The following FGF14 variants were observed in gnomAD, a reference collection of about 807,000 sequenced individuals.
FGF14 encodes the protein fibroblast growth factor 14, also known as fibroblast growth factor homologous factor 4.
In FGF14, 5 loss-of-function variants were observed where a neutral mutation model predicts 25.5. The observed-to-expected ratio is 0.20, with a 90% CI of 0.10 to 0.41. The LOEUF is 0.41. FGF14 is among the 10% of genes least tolerant of loss of function. The pLI is 1.00. For synonymous variants in FGF14, 138 were observed against 118.3 expected, an observed-to-expected ratio of 1.17 and a Z score of -1.08; for missense variants, 222 against 320.1, an observed-to-expected ratio of 0.69 and a Z score of 2.34.
intron 1 of FGF14, among the ~76,000 whole-genome samples, chr13:102,359,121 G>A (rs550004000): frequency 6.6e-6 from 1 of 152,134 alleles, no homozygotes; most frequent in Admixed American, 6.5e-5. Context: ...TGAACAATGA[G>A]AACACATTGG....
At position 101,878,880 on chromosome 13, in the gene FGF14, T is replaced by A. The variant is rs575480052; in HGVS notation, c.194-3584A>T. 3.7e-3 allele frequency among the ~76,000 whole-genome samples: 563 copies of A among 152,154 alleles called. 2 individuals are homozygous for A. Among genetic ancestry groups the A allele is most frequent in the African/African-American group, 0.013 (521 of 41,574 alleles). ...TGTAATATGTAAAAAAATGCTCATT[T>A]TTTTCAATAAACTGATAGAATAAGA... On this transcript the variant is annotated intron_variant, in intron 1 of 4. Transcript: ENST00000376143.
At chr13:102,120,384 G>A (rs576521493) in intron 1 of FGF14, among the ~76,000 whole-genome samples, 2 of 152,350 alleles carry the variant, frequency 1.3e-5, no homozygotes, top group Admixed American at 6.5e-5. Context: ...ATTTATTCAT[G>A]TCAGCGTCAT....
intron 1 of FGF14, among the ~76,000 whole-genome samples, chr13:101,998,692 C>T (rs2039318303): frequency 6.6e-6 from 1 of 152,210 alleles, no homozygotes; most frequent in Non-Finnish European, 1.5e-5. Context: ...TGCACATAGG[C>T]TGGAGGCTCC....
At chr13:102,244,216 A>G (rs1004627890) in intron 1 of FGF14, among the ~76,000 whole-genome samples, 2 of 152,012 alleles carry the variant, frequency 1.3e-5, no homozygotes, top group Non-Finnish European at 2.9e-5. Flanking sequence ...AGTACTGTAG[A>G]TCTGTGCTGG....
At position 101,753,749 on chromosome 13, in the gene FGF14, G is replaced by A. The variant is rs189258637; in HGVS notation, c.409-26939C>T. On this transcript the variant is annotated intron_variant, in intron 3 of 4. Transcript: ENST00000376143. ...ACCCGGGAGACGCAGGTTGCAGTGA[G>A]CTGAGATGGAGCCATTGCACTCCAG... is the stretch of plus-strand genomic sequence containing the variant. Among the ~76,000 whole-genome samples the A allele has an allele frequency of 1.5e-4, 22 of 151,498 alleles. No individual in the cohort carries two copies. The East Asian group carries it at 3.9e-3, about 27-fold the overall frequency.
At chr13:101,884,485 A>G (rs2045889314) in intron 1 of FGF14, among the ~76,000 whole-genome samples, 1 of 152,144 alleles carries the variant, frequency 6.6e-6, no homozygotes, top group African/African-American at 2.4e-5. Context: ...AAATAAGGGC[A>G]GTGGTTGCTG....
chr13:102,161,632 A>AAGAAGAAGAAGAAGG (rs2047712275), intron 1 of FGF14, among the ~76,000 whole-genome samples: 1 of 12,098 alleles, frequency 8.3e-5, no homozygotes, highest in Admixed American at 1.1e-3. Context: ...GAAGAAGAAG[A>AAGAAGAAGAAGAAGG]AGAAGAAGAA....
intron 3 of FGF14, among the ~76,000 whole-genome samples, chr13:101,838,341 G>A (rs909489380): frequency 6.6e-6 from 1 of 151,958 alleles, no homozygotes; most frequent in African/African-American, 2.4e-5. Flanking sequence ...TCCCCTAAGA[G>A]GTGACATGGA....
intron 3 of FGF14, among the ~76,000 whole-genome samples, chr13:101,769,862 T>A (rs2038647394): frequency 1.3e-5 from 2 of 152,178 alleles, no homozygotes; most frequent in African/African-American, 4.8e-5. Flanking sequence ...AAATACTCTG[T>A]ATGATACTAT....
At chr13:101,936,726 T>C (rs536101139) in intron 1 of FGF14, among the ~76,000 whole-genome samples, 6 of 152,362 alleles carry the variant, frequency 3.9e-5, no homozygotes, top group African/African-American at 1.4e-4. Context: ...ATTTGTTCAC[T>C]ATCTTCCCCA....
In FGF14 at chr13:101,756,602, A is replaced by G. The variant is rs1000567327; in HGVS notation, c.409-29792T>C. Among the ~76,000 whole-genome samples, 5 of 152,136 alleles carry G rather than the reference A, an allele frequency of 3.3e-5. No homozygotes were observed. In the East Asian group the frequency reaches 5.8e-4, roughly 18 times the overall value. ...ACAAAAATTAGCCGGGTGCGGTGGC[A>G]CATGCCTGTAATCCCAGCTACTGGG... On this transcript the variant is annotated intron_variant, in intron 3 of 4. Coordinates refer to ENST00000376143, the MANE Select transcript of FGF14 (RefSeq NM_004115.4).
intron 1 of FGF14, among the ~76,000 whole-genome samples, chr13:101,938,652 T>C (rs942133418): frequency 6.6e-6 from 1 of 152,204 alleles, no homozygotes; most frequent in African/African-American, 2.4e-5. Context: ...TCCTCTTGGA[T>C]CTCAAAGCTA....
intron 1 of FGF14, among the ~76,000 whole-genome samples, chr13:102,157,674 A>G (rs996093805): frequency 4.6e-5 from 7 of 152,208 alleles, no homozygotes; most frequent in African/African-American, 1.4e-4. Context: ...TAATTAAACT[A>G]AAGAGCTTCT....
intron 1 of FGF14, among the ~76,000 whole-genome samples, chr13:102,216,380 C>T (rs1486135271): frequency 6.6e-6 from 1 of 152,158 alleles, no homozygotes; most frequent in Non-Finnish European, 1.5e-5. Flanking sequence ...TTATTCACAG[C>T]AGGATTGAGG....
In FGF14 at chr13:102,068,481, C is replaced by T. The variant is rs1234276291; in HGVS notation, c.209-193185G>A. ...TTGCAGGTAGGTGTGGAGGGAGAGGCGCGAGCGGGAACCAGGGCTGCGTAC... is the reference window on the plus strand; with the variant it reads ...TTGCAGGTAGGTGTGGAGGGAGAGGTGCGAGCGGGAACCAGGGCTGCGTAC... On this transcript the variant is annotated intron_variant, in intron 1 of 4. Coordinates refer to the FGF14 transcript ENST00000376131. 3.3e-5 allele frequency among the ~76,000 whole-genome samples: 5 copies of T among 152,164 alleles called. No individual in the cohort carries two copies. In the East Asian group the frequency reaches 9.6e-4, roughly 29 times the overall value.
At chr13:101,747,849 C>T (rs1004877830) in intron 3 of FGF14, among the ~76,000 whole-genome samples, 1 of 151,768 alleles carries the variant, frequency 6.6e-6, no homozygotes, top group African/African-American at 2.4e-5. Flanking sequence ...ATACAAATGG[C>T]CAAGAAGCAT....
In FGF14 at chr13:102,093,185, G is replaced by C. The variant is rs144062428; in HGVS notation, c.209-217889C>G. 1.7e-4 allele frequency among the ~76,000 whole-genome samples: 25 copies of C among 143,644 alleles called. No homozygotes were observed. The East Asian group carries it at 4.7e-3, about 27-fold the overall frequency. The allele number at this position is 143,644 out of a possible 152,430, so 94.2% of individuals were successfully genotyped here. On this transcript the variant is annotated intron_variant, in intron 1 of 4. Coordinates refer to the FGF14 transcript ENST00000376131. ...ACATGCAGAGAAACCATGTGGCTTA[G>C]AAATATATTAAAAAAAATTCTTAGG...
intron 3 of FGF14, among the ~76,000 whole-genome samples, chr13:101,738,100 A>G (rs1481596211): frequency 6.6e-6 from 1 of 152,184 alleles, no homozygotes; most frequent in Non-Finnish European, 1.5e-5. Flanking sequence ...TAAATTTGAT[A>G]CAATAATGCT....
chr13:101,902,584 C>T (rs2031710241), intron 1 of FGF14, among the ~76,000 whole-genome samples: 1 of 152,158 alleles, frequency 6.6e-6, no homozygotes, highest in Non-Finnish European at 1.5e-5. Context: ...TTTAATCAAA[C>T]CATCTGTGTG....
Sources: allele counts gnomAD v4.1 joint callset (sites outside exome capture counted in the v4.1 genomes callset), GRCh38; gene constraint gnomAD v4.1.1; transcripts MANE v1.5; gene names NCBI Gene and HGNC (gene_info 2026-07-23, HGNC 2026-07-21).